SMAD3: variants seen among roughly 807,000 people sequenced by gnomAD.
SMAD3 encodes MAD homolog 3.
In SMAD3, 12 loss-of-function variants were observed where a neutral mutation model predicts 51.8. That is an observed-to-expected ratio of 0.23 (90% CI 0.15 to 0.38). The LOEUF is 0.38. SMAD3 is among the 10% of genes least tolerant of loss of function. SMAD3 has a pLI of 1.00. For missense variants in SMAD3, 294 were observed against 565.6 expected, an observed-to-expected ratio of 0.52 and a Z score of 4.87; for synonymous variants, 238 against 227.7, an observed-to-expected ratio of 1.05 and a Z score of -0.41.
At chr15:67,086,070 T>C (rs1219005043) in intron 1 of SMAD3, among the ~76,000 whole-genome samples, 3 of 142,356 alleles carry the variant, frequency 2.1e-5, no homozygotes, top group East Asian at 2.2e-4. Context: ...TTATTTCTGC[T>C]CAGAAACTCA....
intron 4 of SMAD3, among the ~76,000 whole-genome samples, chr15:67,169,622 A>ATTTTTTT (rs11333560): frequency 7.8e-6 from 1 of 127,908 alleles, no homozygotes. Context: ...CTTACGGCTT[A>ATTTTTTT]TTTTTTTTTT....
chr15:67,104,078 G>T (rs898990287), intron 1 of SMAD3, among the ~76,000 whole-genome samples: 1 of 152,136 alleles, frequency 6.6e-6, no homozygotes, highest in African/African-American at 2.4e-5. Flanking sequence ...TGCTGGTTTT[G>T]TTGTGGCAGC....
intron 5 of SMAD3, among the ~76,000 whole-genome samples, chr15:67,179,293 G>A (rs1302514319): frequency 6.6e-6 from 1 of 152,150 alleles, no homozygotes; most frequent in Non-Finnish European, 1.5e-5. Context: ...AAGACATCTG[G>A]CAATATCCGC....
At chr15:67,172,094 G>C (rs1962766515) in intron 5 of SMAD3, among the ~76,000 whole-genome samples, 1 of 152,222 alleles carries the variant, frequency 6.6e-6, no homozygotes, top group Non-Finnish European at 1.5e-5. Flanking sequence ...AGACTGAAAG[G>C]TGGTCATTTG....
chr15:67,190,783 G>T lies in SMAD3; in HGVS notation c.*247G>T. ...CTTTGAAGGGCAAGAAATGGCGTCTGCTCTGGTGGCTTAAGTGAGCAGAAC... is the reference window on the plus strand; with the variant it reads ...CTTTGAAGGGCAAGAAATGGCGTCTTCTCTGGTGGCTTAAGTGAGCAGAAC... On this transcript the variant is annotated 3_prime_UTR_variant, in exon 9 of 9. Coordinates refer to ENST00000327367, the MANE Select transcript of SMAD3 (RefSeq NM_005902.4). 1 of 564,484 alleles carries T rather than the reference G, an allele frequency of 1.8e-6. No homozygotes were observed. The highest frequency in any genetic ancestry group is 3.2e-6 in the Non-Finnish European group (1 of 313,446). 35.0% of individuals were successfully genotyped at this position (564,484 alleles called of 1,614,324 possible). A position where few individuals can be genotyped will look rare whatever the true frequency, so the allele number is the denominator to read the frequency against.
chr15:67,165,508 C>T, intron 3 of SMAD3, 124 bp downstream of exon 3: 2 of 1,221,636 alleles, frequency 1.6e-6, no homozygotes, highest in Non-Finnish European at 2.3e-6. Flanking sequence ...TTGCGCACAG[C>T]TCTGGCCTGA....
At chr15:67,070,381 G>A (rs529679519) in intron 1 of SMAD3, among the ~76,000 whole-genome samples, 1 of 152,224 alleles carries the variant, frequency 6.6e-6, no homozygotes, top group Admixed American at 6.5e-5. Context: ...GACGTTCCCT[G>A]GGAACATTTA....
chr15:67,141,518 C>A (rs1961820986), intron 1 of SMAD3, among the ~76,000 whole-genome samples: 1 of 152,178 alleles, frequency 6.6e-6, no homozygotes. Context: ...ATGAGACAGT[C>A]TTCAGCTGAG....
At chr15:67,166,960 C>T in intron 4 of SMAD3, 107 bp downstream of exon 4, 1 of 904,204 alleles carries the variant, frequency 1.1e-6, no homozygotes, top group Non-Finnish European at 1.8e-6. Flanking sequence ...TTCTATCTCT[C>T]TCTCCAGTAT....
chr15:67,108,897 C>T (rs957500142), intron 1 of SMAD3, among the ~76,000 whole-genome samples: 1 of 152,096 alleles, frequency 6.6e-6, no homozygotes, highest in Non-Finnish European at 1.5e-5. Flanking sequence ...TTGCACTGAT[C>T]TGGAGGTAGA....
rs1173613845 is a variant in SMAD3, at chr15:67,066,057, C to A, written c.-98C>A. On this transcript the variant is annotated 5_prime_UTR_variant, in exon 1 of 9. Transcript: ENST00000327367. ...AGTTGAGGCGAAGTTTGGGCGACCGCGGCAGGCCCCGGCCGAGCTCCCCTC... is the reference window on the plus strand; with the variant it reads ...AGTTGAGGCGAAGTTTGGGCGACCGAGGCAGGCCCCGGCCGAGCTCCCCTC... 1 of 737,998 alleles carries A rather than the reference C, an allele frequency of 1.4e-6. No homozygotes were observed. The highest frequency in any genetic ancestry group is 3.5e-5 in the East Asian group (1 of 28,490). The allele number at this position is 737,998 out of a possible 1,614,324, so 45.7% of individuals were successfully genotyped here.
intron 1 of SMAD3, among the ~76,000 whole-genome samples, chr15:67,146,307 G>A (rs1961972460): frequency 6.6e-6 from 1 of 152,246 alleles, no homozygotes; most frequent in Admixed American, 6.5e-5. Flanking sequence ...TAGTAGGCCT[G>A]TAGTAAACAC....
Position 67,185,164 on chromosome 15 carries a change from C to T in SMAD3, c.1009+300C>T, listed in dbSNP as rs146809468. ...TTTCTTCACTCATTCATTGCACAAA[C>T]AGCATGCAGGGCTCTGTGCCAGGTG... is the stretch of plus-strand genomic sequence containing the variant. On this transcript the variant is annotated intron_variant, in intron 7 of 8. Coordinates refer to ENST00000327367, the MANE Select transcript of SMAD3 (RefSeq NM_005902.4). 1.9e-3 allele frequency among the ~76,000 whole-genome samples: 286 copies of T among 152,320 alleles called. 1 individual carries two copies. The highest frequency in any genetic ancestry group is 6.6e-3 in the African/African-American group (273 of 41,560).
chr15:67,093,975 G>A (rs1054012291), intron 1 of SMAD3, among the ~76,000 whole-genome samples: 3 of 152,234 alleles, frequency 2.0e-5, no homozygotes, highest in African/African-American at 7.2e-5. Flanking sequence ...TGGTTTACCC[G>A]AGGGGACACA....
intron 1 of SMAD3, among the ~76,000 whole-genome samples, chr15:67,107,743 C>T (rs1040329753): frequency 6.6e-6 from 1 of 152,188 alleles, no homozygotes; most frequent in Non-Finnish European, 1.5e-5. Flanking sequence ...CCCTTCCCTT[C>T]CATAGGGATA....
At chr15:67,113,096 T>TATATATA (rs58255931) in intron 1 of SMAD3, among the ~76,000 whole-genome samples, 22,603 of 86,720 alleles carry the variant, frequency 0.26, 5,403 homozygotes, top group Non-Finnish European at 0.31. Context: ...ATATATATAT[T>TATATATA]TTTTTGAGAC....
intron 1 of SMAD3, among the ~76,000 whole-genome samples, chr15:67,071,815 A>G (rs1399299072): frequency 6.6e-6 from 1 of 152,124 alleles, no homozygotes; most frequent in East Asian, 1.9e-4. Flanking sequence ...CTGTCTCAAA[A>G]TAAATAAATA....
chr15:67,143,374 C>T (rs1420224592), intron 1 of SMAD3, among the ~76,000 whole-genome samples: 1 of 152,210 alleles, frequency 6.6e-6, no homozygotes, highest in Non-Finnish European at 1.5e-5. Flanking sequence ...TCTATTGGAG[C>T]AAAATATGTC....
chr15:67,137,393 A>T (rs1961693293), intron 1 of SMAD3, among the ~76,000 whole-genome samples: 1 of 152,062 alleles, frequency 6.6e-6, no homozygotes. Flanking sequence ...TAGGATCACT[A>T]CCTTCCCATG....
Sources: gnomAD v4.1 joint callset for allele counts (sites outside exome capture counted in the v4.1 genomes callset) on GRCh38, gnomAD v4.1.1 for gene constraint, MANE v1.5 for transcripts, NCBI Gene and HGNC (gene_info 2026-07-23, HGNC 2026-07-21) for gene names.